Variants in USP42 observed in about 807,000 individuals in gnomAD.
USP42 encodes the protein ubiquitin carboxyl-terminal hydrolase 42.
In USP42, 23 loss-of-function variants were observed where a neutral mutation model predicts 113.0. The ratio of observed to expected loss-of-function variants is 0.20; its 90% CI spans 0.15 to 0.29. USP42 has a LOEUF of 0.29. Among genes scored for constraint, USP42 ranks in the 10% least tolerant of loss-of-function variants. The pLI is 1.00. For missense variants in USP42, 2,174 were observed against 1,779.8 expected (o/e 1.22, Z -3.99); for synonymous variants, 933 against 699.0 (o/e 1.33, Z -5.28).
chr7:6,130,971 G>A (rs1364167133), intron 3 of USP42, among the ~76,000 whole-genome samples: 1 of 152,138 alleles, frequency 6.6e-6, no homozygotes, highest in African/African-American at 2.4e-5. Context: ...TGTGGGCTCT[G>A]AGCCACAGGT....
chr7:6,115,355 G>C lies in USP42; in HGVS notation c.274G>C (p.Val92Leu). 2 of 1,614,040 alleles carry C rather than the reference G, an allele frequency of 1.2e-6. No homozygotes were observed. The highest frequency in any genetic ancestry group is 1.7e-6 in the Non-Finnish European group (2 of 1,179,892). The part of the protein sequence containing the change: ...LGDGIAPPQK[V>L]LFPSEKICLK... ...TGATGGCATCGCTCCTCCACAGAAA[G>C]TTCTTTTCCCATCTGAGAAGATTTG... The change falls in exon 3 of 18, where the codon GTT becomes CTT. Residue 92 changes from valine to leucine, a missense_variant. By Grantham distance (32) the Val-to-Leu change is conservative. Transcript: ENST00000306177.
Position 6,161,100 on chromosome 7 carries a change from T to C in USP42, c.*582T>C, listed in dbSNP as rs924850084. On this transcript the variant is annotated 3_prime_UTR_variant, in exon 18 of 18. Transcript: ENST00000306177. ...ATAGACAAGTTCTGTTTTTGAACTT[T>C]GTGGAACTGTTCCAATCAATCAATT... 1 of 152,630 alleles carries C rather than the reference T, an allele frequency of 6.6e-6. No individual in the cohort carries two copies. The highest frequency in any genetic ancestry group is 1.5e-5 in the Non-Finnish European group (1 of 68,046). 9.5% of individuals were successfully genotyped at this position (152,630 alleles called of 1,614,324 possible).
chr7:6,135,741 A>C (rs1047892797), intron 3 of USP42, 100 bp from the exon 4 acceptor site: 2 of 487,282 alleles, frequency 4.1e-6, no homozygotes, highest in Non-Finnish European at 7.2e-6. Context: ...TATAGCAGCT[A>C]TTATTTCATT....
chr7:6,087,170 A>G, the USP42 span, among the ~76,000 whole-genome samples: 1 of 148,764 alleles, frequency 6.7e-6, no homozygotes, highest in Non-Finnish European at 1.5e-5. Flanking sequence ...TAGCTGGGAT[A>G]ACAGGGGTGT....
At position 6,147,741 on chromosome 7, in the gene USP42, C is replaced by T. The variant is rs2128512330; in HGVS notation, c.1235C>T (p.Ser412Phe). The T allele has an allele frequency of 1.9e-6, 3 of 1,578,812 alleles. No individual in the cohort carries two copies. The highest frequency in any genetic ancestry group is 1.1e-5 in the South Asian group (1 of 87,900). The change falls in exon 12 of 18, where the codon TCC becomes TTC. Residue 412 changes from serine to phenylalanine, a missense_variant and splice_region_variant. Transcript: ENST00000306177. The part of the protein sequence containing the change: ...QQAYVLFYIR[S>F]HDVKNGGELT... ...AGTATCGCTCTCCTTGTTTCCAGGT[C>T]CCATGATGTGAAAAATGGAGGTGAA...
In USP42 at chr7:6,150,502, A is replaced by G; in HGVS notation, c.2197A>G (p.Met733Val). ...SNKLKGSTDEMSAPGAERGPP... is the reference protein window; with the variant it reads ...SNKLKGSTDEVSAPGAERGPP... The stretch of plus-strand genomic sequence containing the variant: ...CAAACTGAAAGGCTCGACGGATGAA[A>G]TGAGGTAACGTAAGAGTACATCTGA... Residue 733 changes from methionine to valine, a missense_variant, in exon 14 of 18, where the codon ATG becomes GTG. Physicochemically the swap from Met to Val is conservative, Grantham distance 21 (BLOSUM62 1). Coordinates refer to ENST00000306177, the MANE Select transcript of USP42 (RefSeq NM_032172.3). 3 of 1,613,906 alleles carry G rather than the reference A, an allele frequency of 1.9e-6. No individual in the cohort carries two copies. Among genetic ancestry groups the G allele is most frequent in the Non-Finnish European group, 2.5e-6 (3 of 1,179,822 alleles).
chr7:6,120,014 G>A (rs1057345159), intron 3 of USP42, among the ~76,000 whole-genome samples: 2 of 152,138 alleles, frequency 1.3e-5, no homozygotes, highest in African/African-American at 4.8e-5. Flanking sequence ...CGCCCGGGCT[G>A]GAGTGCAGTG....
rs1583700933 is a variant in USP42, at chr7:6,157,237, C to T, written c.3943+182C>T. 2 of 1,384,932 alleles carry T rather than the reference C, an allele frequency of 1.4e-6. No individual in the cohort carries two copies. The highest frequency in any genetic ancestry group is 3.4e-5 in the Admixed American group (1 of 29,510). 85.8% of individuals were successfully genotyped at this position (1,384,932 alleles called of 1,614,324 possible). Reference sequence around the variant, plus strand: ...ATCCCTGCAGTGTGGTTCCGTTGCACAGTTAAGCCCTTAGCGTTTATTGAA... The same window carrying T: ...ATCCCTGCAGTGTGGTTCCGTTGCATAGTTAAGCCCTTAGCGTTTATTGAA... On this transcript the variant is annotated intron_variant, in intron 16 of 17. Transcript: ENST00000306177. This position sits in a 1 kb window ranked among gnomAD's most constrained non-coding sequence, Gnocchi z 4.1.
At chr7:6,120,105 C>T (rs1780135912) in intron 3 of USP42, among the ~76,000 whole-genome samples, 1 of 152,186 alleles carries the variant, frequency 6.6e-6, no homozygotes, top group Non-Finnish European at 1.5e-5. Flanking sequence ...GTTGGGACTA[C>T]AGGTGCCTGC....
the USP42 span, among the ~76,000 whole-genome samples, chr7:6,082,394 C>T: frequency 6.6e-6 from 1 of 151,508 alleles, no homozygotes; most frequent in South Asian, 2.1e-4. Flanking sequence ...TCCCGAAGTG[C>T]TGGGATTACA....
chr7:6,139,761 A>G lies in USP42; in HGVS notation c.657-367A>G, dbSNP rs1051311113. On this transcript the variant is annotated intron_variant, in intron 5 of 17. Transcript: ENST00000306177. The surrounding 1 kb of genome is among the most constrained non-coding windows in gnomAD (Gnocchi z 4.5). Reference sequence around the variant, plus strand: ...AGGACTTCATTGTCCGGGTGATGACATACTTGGGTCGGAGGAAGACTCTCT... The same window carrying G: ...AGGACTTCATTGTCCGGGTGATGACGTACTTGGGTCGGAGGAAGACTCTCT... 2.9e-6 allele frequency: 1 copy of G among 339,396 alleles called. No homozygotes were observed. The highest frequency in any genetic ancestry group is 4.6e-5 in the Admixed American group (1 of 21,924). 21.0% of individuals were successfully genotyped at this position (339,396 alleles called of 1,614,324 possible). A position where few individuals can be genotyped will look rare whatever the true frequency, so the allele number is the denominator to read the frequency against.
At chr7:6,118,298 G>A (rs1303520015) in intron 3 of USP42, among the ~76,000 whole-genome samples, 1 of 152,060 alleles carries the variant, frequency 6.6e-6, no homozygotes, top group Admixed American at 6.6e-5. Context: ...GAGGCGGGTG[G>A]CTCACTTGAG....
At position 6,115,534 on chromosome 7, in the gene USP42, C is replaced by T. The variant is rs770413354; in HGVS notation, c.442+11C>T. ...AACACTCCAAAACATGTAAGTGTTC[C>T]GTGTTGTGTTTGTAGTATTGTAGTG... On this transcript the variant is annotated intron_variant, in intron 3 of 17. Coordinates refer to ENST00000306177, the MANE Select transcript of USP42 (RefSeq NM_032172.3). 19 of 1,613,434 alleles carry T rather than the reference C, an allele frequency of 1.2e-5. No individual in the cohort carries two copies. The East Asian group carries it at 3.6e-4, about 30-fold the overall frequency.
At chr7:6,137,893 A>G (rs13241729) in intron 4 of USP42, among the ~76,000 whole-genome samples, 2,315 of 151,850 alleles carry the variant, frequency 0.015, 23 homozygotes, top group Non-Finnish European at 0.021. Context: ...GTTAGCCAGG[A>G]TGGCCTCGAT....
At chr7:6,146,531 T>G (rs555723966) in intron 11 of USP42, among the ~76,000 whole-genome samples, 2 of 151,940 alleles carry the variant, frequency 1.3e-5, no homozygotes, top group South Asian at 2.1e-4. Flanking sequence ...AGGTGTGGTG[T>G]TGTGGGCCTG....
chr7:6,132,785 C>T (rs528019103), intron 3 of USP42, among the ~76,000 whole-genome samples: 5 of 151,766 alleles, frequency 3.3e-5, no homozygotes, highest in African/African-American at 1.2e-4. Context: ...CATTCTCCTG[C>T]CTCAGCCTCC....
At chr7:6,090,334 CTTTATATATATATTTATATATATA>C in the USP42 span, among the ~76,000 whole-genome samples, 4 of 136,596 alleles carry the variant, frequency 2.9e-5, no homozygotes, top group African/African-American at 1.1e-4. Flanking sequence ...ATATATATTT[CTTTATATATATATTTATATATATA>C]TTTATATATA....
rs1210965903 is a variant in USP42 at position 6,159,358 on chromosome 7, C to G, written c.3944-92C>G. The G allele has an allele frequency of 6.4e-7, 1 of 1,560,036 alleles. No individual in the cohort carries two copies. Among genetic ancestry groups the G allele is most frequent in the Admixed American group, 1.7e-5 (1 of 58,224 alleles). ...GCGCTCACAGGGAACCGCAGTGACT[C>G]TGACCATAGCCACTTAACGCACACA... On this transcript the variant is annotated intron_variant, in intron 16 of 17. Coordinates refer to ENST00000306177, the MANE Select transcript of USP42 (RefSeq NM_032172.3). The surrounding 1 kb of genome is among the most constrained non-coding windows in gnomAD (Gnocchi z 4.1).
chr7:6,114,773 C>G (rs1360752968), intron 2 of USP42, among the ~76,000 whole-genome samples: 1 of 140,270 alleles, frequency 7.1e-6, no homozygotes, highest in Non-Finnish European at 1.5e-5. Flanking sequence ...TCACTGCAAG[C>G]TCTGCCTCCC....
Sources: gnomAD v4.1 joint callset for allele counts (sites outside exome capture counted in the v4.1 genomes callset) on GRCh38, gnomAD v4.1.1 for gene constraint, Gnocchi (gnomAD v3.1) non-coding constraint, MANE v1.5 for transcripts, NCBI Gene and HGNC (gene_info 2026-07-23, HGNC 2026-07-21) for gene names.